KLHL25: variants seen among roughly 807,000 people sequenced by gnomAD.
KLHL25 encodes the protein kelch like family member 25.
Under a neutral mutation model 30.0 loss-of-function variants are expected in KLHL25, and 41 were observed. The ratio of observed to expected loss-of-function variants is 1.37; its 90% CI spans 1.07 to 1.78. The LOEUF (loss-of-function observed/expected upper bound fraction) is 1.78. Among genes scored for constraint, KLHL25 ranks in the 40% most tolerant of loss-of-function variants. The pLI is 0.00. For missense variants in KLHL25, 971 were observed against 824.5 expected, an observed-to-expected ratio of 1.18 and a Z score of -2.18; for synonymous variants, 399 against 355.3, an observed-to-expected ratio of 1.12 and a Z score of -1.38.
At chr15:85,777,896 A>AATGCACGACTATCATGT in intron 1 of KLHL25, among the ~76,000 whole-genome samples, 1 of 152,338 alleles carries the variant, frequency 6.6e-6, no homozygotes, top group Non-Finnish European at 1.5e-5. Flanking sequence ...AGCCAAATCA[A>AATGCACGACTATCATGT]ATGCACGACT....
At position 85,760,714 on chromosome 15, in the gene KLHL25, G is replaced by C. The variant is rs1053619046; in HGVS notation, c.*322C>G. On this transcript the variant is annotated 3_prime_UTR_variant, in exon 3 of 3. Coordinates refer to ENST00000337975, the MANE Select transcript of KLHL25 (RefSeq NM_022480.4). Reference sequence around the variant, plus strand: ...CCCCAGTCCAGGACCTGCCAAACAGGTGATCTCAAGGCTCTGCAAGTGTCC... The same window carrying C: ...CCCCAGTCCAGGACCTGCCAAACAGCTGATCTCAAGGCTCTGCAAGTGTCC... 6.6e-6 allele frequency: 1 copy of C among 152,438 alleles called. No homozygotes were observed. The highest frequency in any genetic ancestry group is 1.9e-4 in the East Asian group (1 of 5,186). 9.4% of individuals were successfully genotyped at this position (152,438 alleles called of 1,614,324 possible). A position where few individuals can be genotyped will look rare whatever the true frequency, so the allele number is the denominator to read the frequency against.
At position 85,768,325 on chromosome 15, in the gene KLHL25, TGAA is replaced by T. The variant is rs2089638638; in HGVS notation, c.1483_1485del (p.Phe495del). The stretch of plus-strand genomic sequence containing the variant: ...GTGAATTCCGTGTCACCTCCCATGA[TGAA>T]GATCTGGCTGCCCAGGACGGCAGCG... On this transcript the variant is annotated inframe_deletion, in exon 2 of 3. Transcript: ENST00000337975. The T allele has an allele frequency of 6.2e-7, 1 of 1,613,898 alleles. No individual in the cohort carries two copies. The highest frequency in any genetic ancestry group is 8.5e-7 in the Non-Finnish European group (1 of 1,180,022).
intron 1 of KLHL25, among the ~76,000 whole-genome samples, chr15:85,783,448 T>C (rs111577038): frequency 0.041 from 6,233 of 151,754 alleles, 415 homozygotes; most frequent in African/African-American, 0.14. Flanking sequence ...TCACAGCACT[T>C]TGGGAGGCTG....
chr15:85,769,661 G>C lies in KLHL25; in HGVS notation c.150C>G (p.Leu50=), dbSNP rs2089656274. The change falls in exon 2 of 3, where the codon CTC becomes CTG. Residue 50 remains leucine (L), a synonymous_variant. Coordinates refer to ENST00000337975, the MANE Select transcript of KLHL25 (RefSeq NM_022480.4). ...RKHCMFTDVT[L]WAGDRAFPCH... ...AGGGGAAGGCACGGTCGCCCGCCCA[G>C]AGTGTGACGTCGGTGAACATGCAGT... is the stretch of plus-strand genomic sequence containing the variant. The C allele has an allele frequency of 1.9e-6, 3 of 1,613,768 alleles. No individual in the cohort carries two copies. Among genetic ancestry groups the C allele is most frequent in the Middle Eastern group, 3.3e-4 (2 of 6,062 alleles).
intron 1 of KLHL25, among the ~76,000 whole-genome samples, chr15:85,788,836 T>C (rs1205798296): frequency 6.6e-6 from 1 of 152,160 alleles, no homozygotes; most frequent in East Asian, 1.9e-4. Context: ...CGTTCACAGG[T>C]TAAGGGACTT....
At position 85,769,472 on chromosome 15, in the gene KLHL25, G is replaced by C; in HGVS notation, c.339C>G (p.Asn113Lys). 1 of 1,614,016 alleles carries C rather than the reference G, an allele frequency of 6.2e-7. No individual in the cohort carries two copies. Among genetic ancestry groups the C allele is most frequent in the Non-Finnish European group, 8.5e-7 (1 of 1,180,022 alleles). ...DFAYSSRIAI[N>K]EENAESLLEA... The stretch of plus-strand genomic sequence containing the variant: ...CCAGCAGTGACTCAGCGTTCTCCTC[G>C]TTGATGGCGATGCGTGAGGAGTAGG... The change falls in exon 2 of 3, where the codon AAC becomes AAG. Residue 113 changes from asparagine to lysine, a missense_variant. By Grantham distance (94) the Asn-to-Lys change is moderately conservative. Transcript: ENST00000337975.
At chr15:85,776,915 A>T (rs1332086580) in intron 1 of KLHL25, among the ~76,000 whole-genome samples, 1 of 148,820 alleles carries the variant, frequency 6.7e-6, no homozygotes, top group Admixed American at 6.8e-5. Flanking sequence ...ACACAGCAAG[A>T]CTCCATCTCA....
intron 1 of KLHL25, among the ~76,000 whole-genome samples, chr15:85,776,601 T>G (rs2089710782): frequency 6.6e-6 from 1 of 152,154 alleles, no homozygotes; most frequent in African/African-American, 2.4e-5. Context: ...GCATATTTAT[T>G]TAGTTTGGTT....
chr15:85,762,763 A>G (rs2089591765), intron 2 of KLHL25: 1 of 152,334 alleles, frequency 6.6e-6, no homozygotes, highest in Admixed American at 6.5e-5. Flanking sequence ...TTGCTTAGCC[A>G]GGCCCAACCC....
At chr15:85,781,483 CTTTT>C in intron 1 of KLHL25, among the ~76,000 whole-genome samples, 1 of 152,154 alleles carries the variant, frequency 6.6e-6, no homozygotes, top group South Asian at 2.1e-4. Flanking sequence ...GCGGATTTTT[CTTTT>C]TTTGTTTTTT....
rs1471497103 is a variant in KLHL25, at chr15:85,760,234, G to T, written c.*802C>A. 1 of 152,218 alleles carries T rather than the reference G, an allele frequency of 6.6e-6. No individual in the cohort carries two copies. The highest frequency in any genetic ancestry group is 1.5e-5 in the Non-Finnish European group (1 of 68,064). The allele number at this position is 152,218 out of a possible 1,614,324, so 9.4% of individuals were successfully genotyped here. On this transcript the variant is annotated 3_prime_UTR_variant, in exon 3 of 3. Coordinates refer to ENST00000337975, the MANE Select transcript of KLHL25 (RefSeq NM_022480.4). ...CTGTTGGCAGGTGTGTGCCATGGGGGTCACTGCTGCCTCTCAGGGTGGGCT... is the reference window on the plus strand; with the variant it reads ...CTGTTGGCAGGTGTGTGCCATGGGGTTCACTGCTGCCTCTCAGGGTGGGCT...
intron 1 of KLHL25, among the ~76,000 whole-genome samples, chr15:85,780,334 G>C (rs2430834): frequency 0.15 from 22,970 of 152,258 alleles, 2,290 homozygotes; most frequent in East Asian, 0.36. Context: ...GAGCAAGCCA[G>C]AGACAGAAAC....
intron 1 of KLHL25, among the ~76,000 whole-genome samples, chr15:85,781,260 C>T (rs566564979): frequency 6.7e-4 from 102 of 152,328 alleles, no homozygotes; most frequent in African/African-American, 2.3e-3. Context: ...CTGTCCTGCA[C>T]TTTGAATGGA....
intron 1 of KLHL25, among the ~76,000 whole-genome samples, chr15:85,792,469 G>C (rs943433992): frequency 2.0e-5 from 3 of 152,162 alleles, no homozygotes; most frequent in Non-Finnish European, 2.9e-5. Flanking sequence ...ACACTGCCTG[G>C]TGGTACAGAG....
chr15:85,767,015 C>T (rs1414760020), intron 2 of KLHL25, among the ~76,000 whole-genome samples: 8 of 138,240 alleles, frequency 5.8e-5, no homozygotes, highest in African/African-American at 8.1e-5. Flanking sequence ...TTTTTTGAGA[C>T]GGAGTCTCAC....
intron 1 of KLHL25, among the ~76,000 whole-genome samples, chr15:85,785,498 T>C (rs76950196): frequency 1.3e-4 from 20 of 152,308 alleles, no homozygotes; most frequent in East Asian, 1.2e-3. Context: ...CAGAACTACA[T>C]TGCTTACAGC....
intron 2 of KLHL25, chr15:85,761,945 C>T (rs1316264368): frequency 1.3e-5 from 2 of 152,272 alleles, no homozygotes; most frequent in African/African-American, 4.8e-5. Context: ...ACCTTAGTTA[C>T]ATTTCAATTA....
rs150425154 is a variant in KLHL25, at chr15:85,769,121, G to C, written c.690C>G (p.Pro230=). 3.2e-5 allele frequency: 51 copies of C among 1,606,932 alleles called. No homozygotes were observed. Among genetic ancestry groups the C allele is most frequent in the Non-Finnish European group, 3.9e-5 (46 of 1,175,054 alleles). The change falls in exon 2 of 3, where the codon CCC becomes CCG. Residue 230 remains proline, a synonymous_variant. Transcript: ENST00000337975. Reference sequence around the variant, plus strand: ...CCAGACGCACGCTGCGGAGGAGCTCGGGCAAGTGGACCTTCCGTGGCTCCA... The same window carrying C: ...CCAGACGCACGCTGCGGAGGAGCTCCGGCAAGTGGACCTTCCGTGGCTCCA... ...HDLEPRKVHL[P]ELLRSVRLAL...
At chr15:85,792,076 G>A (rs2089821305) in intron 1 of KLHL25, among the ~76,000 whole-genome samples, 1 of 152,200 alleles carries the variant, frequency 6.6e-6, no homozygotes, top group African/African-American at 2.4e-5. Context: ...ACAGGTGTCA[G>A]CTTTTGACAG....
Sources: gnomAD v4.1 joint callset for allele counts (sites outside exome capture counted in the v4.1 genomes callset) on GRCh38, gnomAD v4.1.1 for gene constraint, MANE v1.5 for transcripts, NCBI Gene and HGNC (gene_info 2026-07-23, HGNC 2026-07-21) for gene names.